C5orf22: variants seen among roughly 807,000 people sequenced by gnomAD.
C5orf22 encodes the protein UPF0489 protein C5orf22.
Under a neutral mutation model 48.7 loss-of-function variants are expected in C5orf22, and 36 were observed. The observed-to-expected ratio is 0.74, with a 90% CI of 0.57 to 0.98. The LOEUF (loss-of-function observed/expected upper bound fraction) is 0.98. C5orf22 is among the 50% of genes least tolerant of loss of function. The pLI, the probability that C5orf22 is intolerant of heterozygous loss-of-function variation, is 0.00. For synonymous variants in C5orf22, 141 were observed against 180.8 expected, an observed-to-expected ratio of 0.78 and a Z score of 1.76; for missense variants, 486 against 521.9, an observed-to-expected ratio of 0.93 and a Z score of 0.67.
chr5:31,553,052 GT>G lies in C5orf22; in HGVS notation c.*151del, dbSNP rs1743384224. On this transcript the variant is annotated 3_prime_UTR_variant, in exon 9 of 9. Transcript: ENST00000325366. ...TATTTTGAATCTCTGAACAACCATTGTCAGTTGTGAATGATGGTAAATTTTT... is the reference window on the plus strand; with the variant it reads ...TATTTTGAATCTCTGAACAACCATTGCAGTTGTGAATGATGGTAAATTTTT... The G allele has an allele frequency of 1.4e-6, 1 of 720,434 alleles. No homozygotes were observed. Among genetic ancestry groups the G allele is most frequent in the East Asian group, 3.0e-5 (1 of 33,084 alleles). The allele number at this position is 720,434 out of a possible 1,614,324, so 44.6% of individuals were successfully genotyped here.
At position 31,551,343 on chromosome 5, in the gene C5orf22, C is replaced by T. The variant is rs781528558; in HGVS notation, c.1110C>T (p.Ile370=). 1.4e-5 allele frequency: 23 copies of T among 1,613,252 alleles called. 2 individuals carry two copies. The African/African-American group carries it at 1.9e-4, about 13-fold the overall frequency. ...TCDYSELPHH[I]STEQEIECLI... is the part of the protein sequence containing the mutation. ...ATTATTCAGAACTTCCTCACCATAT[C>T]AGCACAGAACAAGAAATAGAGTGTC... The change falls in exon 8 of 9, where the codon ATC becomes ATT. Residue 370 remains isoleucine (I), a synonymous_variant. Transcript: ENST00000325366.
chr5:31,535,170 G>A, intron 2 of C5orf22: 3 of 353,352 alleles, frequency 8.5e-6, no homozygotes, highest in South Asian at 6.5e-5. Flanking sequence ...TTGAAATGTA[G>A]AATTCAGCAA....
At chr5:31,534,665 A>C in intron 2 of C5orf22, 2 of 441,070 alleles carry the variant, frequency 4.5e-6, no homozygotes, top group Non-Finnish European at 8.1e-6. Flanking sequence ...TTGTAGTGTG[A>C]AAGCAATCAC....
intron 7 of C5orf22, among the ~76,000 whole-genome samples, chr5:31,549,448 TTAAAC>T (rs1275526006): frequency 6.7e-6 from 1 of 150,212 alleles, no homozygotes; most frequent in Non-Finnish European, 1.5e-5. Context: ...AATCCAAGAC[TTAAAC>T]TTTTTTGTTT....
chr5:31,534,935 T>A, intron 2 of C5orf22: 1 of 431,538 alleles, frequency 2.3e-6, no homozygotes, highest in Non-Finnish European at 4.6e-6. Flanking sequence ...CAATGTTTAA[T>A]CCTTTTAATA....
chr5:31,541,408 AC>A lies in C5orf22; in HGVS notation c.992+7del. On this transcript the variant is annotated splice_region_variant and intron_variant, in intron 6 of 8. Transcript: ENST00000325366. ...AGATGGGCTTCAAACCCTGGGTAAG[AC>A]TCTCAAACATTTTTTTCCCCCAACT... 1 of 1,610,768 alleles carries A rather than the reference AC, an allele frequency of 6.2e-7. No individual in the cohort carries two copies. Among genetic ancestry groups the A allele is most frequent in the East Asian group, 2.2e-5 (1 of 44,826 alleles).
Position 31,538,295 on chromosome 5 carries a change from G to T in C5orf22, c.413G>T (p.Gly138Val). Residue 138 changes from glycine to valine, a missense_variant, in exon 4 of 9, where the codon GGT becomes GTT. Around this residue, in one of 3 missense-constraint regions of C5orf22, gnomAD observed 408 missense variants for 444.0 expected, o/e 0.92. Transcript: ENST00000325366. ...ACAGATCATTATTTCCTAAGTGATG[G>T]TCTGTATGTACCTGAAGACCAGCTA... ...TSTDHYFLSD[G>V]LYVPEDQLEN... 2 of 1,611,688 alleles carry T rather than the reference G, an allele frequency of 1.2e-6. No homozygotes were observed. The highest frequency in any genetic ancestry group is 8.5e-7 in the Non-Finnish European group (1 of 1,178,550).
intron 4 of C5orf22, 198 bp from the exon 5 acceptor site, chr5:31,540,733 ATTTACAATAAAACAAAAT>A: frequency 2.1e-6 from 1 of 474,782 alleles, no homozygotes; most frequent in South Asian, 2.9e-5. Flanking sequence ...AAGAAGTGAT[ATTTACAATAAAACAAAAT>A]TTTACAATAT....
In C5orf22 at chr5:31,532,382, G is replaced by A; in HGVS notation, c.-11G>A. 1 of 1,613,912 alleles carries A rather than the reference G, an allele frequency of 6.2e-7. No individual in the cohort carries two copies. The highest frequency in any genetic ancestry group is 8.5e-7 in the Non-Finnish European group (1 of 1,179,924). ...CCACCGCTTTACTGCAAAACTGACG[G>A]GCGCAAAAACATGAGTGACTCCGCG... On this transcript the variant is annotated 5_prime_UTR_variant, in exon 1 of 9. Coordinates refer to ENST00000325366, the MANE Select transcript of C5orf22 (RefSeq NM_018356.3).
rs145936098 is a variant in C5orf22, at chr5:31,543,105, G to A, written c.992+1703G>A. Among the ~76,000 whole-genome samples the A allele has an allele frequency of 4.6e-5, 7 of 152,222 alleles. No individual in the cohort carries two copies. In the East Asian group the frequency reaches 5.8e-4, roughly 13 times the overall value. On this transcript the variant is annotated intron_variant, in intron 6 of 8. Transcript: ENST00000325366. ...AAATTACTTCTTTTGCTATGTGCACGTATTATCTATTCAAAATACTCATTG... is the reference window on the plus strand; with the variant it reads ...AAATTACTTCTTTTGCTATGTGCACATATTATCTATTCAAAATACTCATTG...
intron 7 of C5orf22, among the ~76,000 whole-genome samples, chr5:31,550,517 A>T (rs1274606641): frequency 6.6e-6 from 1 of 152,220 alleles, no homozygotes. Flanking sequence ...ATTAATATTT[A>T]AAAAGTAAGT....
Position 31,538,299 on chromosome 5 carries a change from G to T in C5orf22, c.417G>T (p.Leu139=). 6.2e-7 allele frequency: 1 copy of T among 1,613,530 alleles called. No individual in the cohort carries two copies. The highest frequency in any genetic ancestry group is 1.1e-5 in the South Asian group (1 of 91,060). ...ATCATTATTTCCTAAGTGATGGTCT[G>T]TATGTACCTGAAGACCAGCTAGAGA... is the stretch of plus-strand genomic sequence containing the variant. ...STDHYFLSDG[L]YVPEDQLENQ... Residue 139 remains leucine (L), a synonymous_variant, in exon 4 of 9, where the codon CTG becomes CTT. Transcript: ENST00000325366.
intron 3 of C5orf22, among the ~76,000 whole-genome samples, chr5:31,537,035 G>A (rs534811178): frequency 4.5e-4 from 69 of 152,258 alleles, no homozygotes; most frequent in African/African-American, 1.5e-3. Flanking sequence ...TATGAAAATT[G>A]TATTTATTTC....
At chr5:31,549,412 A>G (rs889030700) in intron 7 of C5orf22, among the ~76,000 whole-genome samples, 7 of 152,210 alleles carry the variant, frequency 4.6e-5, no homozygotes, top group African/African-American at 1.7e-4. Context: ...AGCAAAGCAA[A>G]AGAATATTTT....
intron 6 of C5orf22, among the ~76,000 whole-genome samples, chr5:31,544,635 C>G (rs16899766): frequency 1.3e-5 from 2 of 151,686 alleles, no homozygotes; most frequent in Non-Finnish European, 2.9e-5. Flanking sequence ...AGGATTTTTC[C>G]GATTATAATT....
chr5:31,540,212 A>C (rs1325095888), intron 4 of C5orf22, among the ~76,000 whole-genome samples: 1 of 152,234 alleles, frequency 6.6e-6, no homozygotes, highest in Non-Finnish European at 1.5e-5. Context: ...GATTGTTATA[A>C]TGAATAAAGC....
chr5:31,533,238 G>GCTA (rs996107512), intron 1 of C5orf22, among the ~76,000 whole-genome samples: 7 of 151,408 alleles, frequency 4.6e-5, no homozygotes, highest in Admixed American at 4.6e-4. Flanking sequence ...GCAGGCGTGA[G>GCTA]CTACTGCGCA....
chr5:31,540,046 C>T (rs1234225522), intron 4 of C5orf22, among the ~76,000 whole-genome samples: 1 of 152,048 alleles, frequency 6.6e-6, no homozygotes, highest in East Asian at 1.9e-4. Flanking sequence ...GAGACCCCAT[C>T]TCATAAAAAA....
intron 7 of C5orf22, among the ~76,000 whole-genome samples, chr5:31,549,548 A>G (rs981337996): frequency 2.6e-5 from 4 of 152,154 alleles, no homozygotes; most frequent in African/African-American, 9.7e-5. Context: ...AAAAATGGTA[A>G]TTAAGAAGAT....
Sources: gnomAD v4.1 joint callset for allele counts (sites outside exome capture counted in the v4.1 genomes callset) on GRCh38, gnomAD v4.1.1 for gene constraint, gnomAD v4.1.1 regional missense constraint, MANE v1.5 for transcripts, NCBI Gene and HGNC (gene_info 2026-07-23, HGNC 2026-07-21) for gene names.